SLC28A3: variants seen among roughly 807,000 people sequenced by gnomAD.
The protein encoded by SLC28A3 is concentrative Na(+)-nucleoside cotransporter 3.
A neutral mutation model predicts 84.2 loss-of-function variants in SLC28A3; 68 were observed. The ratio of observed to expected loss-of-function variants is 0.81; its 90% CI spans 0.66 to 0.99. The LOEUF is 0.99. Among genes scored for constraint, SLC28A3 ranks in the 50% least tolerant of loss-of-function variants. SLC28A3 has a pLI of 0.00. For synonymous variants in SLC28A3, 267 were observed against 303.6 expected, an observed-to-expected ratio of 0.88 and a Z score of 1.25; for missense variants, 712 against 841.5, an observed-to-expected ratio of 0.85 and a Z score of 1.90.
intron 1 of SLC28A3, among the ~76,000 whole-genome samples, chr9:84,318,875 A>G (rs1035219593): frequency 4.6e-5 from 7 of 152,140 alleles, no homozygotes; most frequent in African/African-American, 1.7e-4. Flanking sequence ...GTCTCAGAAA[A>G]AAAAAAAAGA....
chr9:84,286,384 C>T lies in SLC28A3; in HGVS notation c.1281-273G>A, dbSNP rs56725703. Among the ~76,000 whole-genome samples, 828 of 150,818 alleles carry T rather than the reference C, an allele frequency of 5.5e-3. 6 individuals carry two copies. The highest frequency in any genetic ancestry group is 0.019 in the African/African-American group (773 of 40,980). The stretch of plus-strand genomic sequence containing the variant: ...CATAGCTTATTGGAGCCTCCAACTC[C>T]TGGGCCCAAGTGATCCTCCTTCCTC... On this transcript the variant is annotated intron_variant, in intron 12 of 17. Coordinates refer to ENST00000376238, the MANE Select transcript of SLC28A3 (RefSeq NM_001199633.2).
chr9:84,366,730 CCAAA>C, the SLC28A3 span, among the ~76,000 whole-genome samples: 1 of 152,158 alleles, frequency 6.6e-6, no homozygotes, highest in Non-Finnish European at 1.5e-5. Context: ...TTACTTTCTC[CCAAA>C]CAAACAGAAT....
chr9:84,327,181 A>AT lies in SLC28A3; in HGVS notation c.60+13392dup, dbSNP rs141589006. 9.4e-3 allele frequency among the ~76,000 whole-genome samples: 1,427 copies of AT among 152,214 alleles called. 9 individuals carry two copies. Among genetic ancestry groups the AT allele is most frequent in the Middle Eastern group, 0.017 (5 of 294 alleles). ...TTTCTCCTTTCCTTTTTCTGTGACC[A>AT]TTAGGGGCCTCAATTATTTTCCCCA... On this transcript the variant is annotated intron_variant, in intron 1 of 17. Coordinates refer to ENST00000376238, the MANE Select transcript of SLC28A3 (RefSeq NM_001199633.2).
chr9:84,319,129 GGTAGGATAA>G (rs1225940224), intron 1 of SLC28A3, among the ~76,000 whole-genome samples: 1 of 152,162 alleles, frequency 6.6e-6, no homozygotes, highest in Non-Finnish European at 1.5e-5. Context: ...AAACGTAGGA[GGTAGGATAA>G]GTAGGCCAAT....
chr9:84,337,456 G>A (rs1022755775), intron 1 of SLC28A3, among the ~76,000 whole-genome samples: 1 of 152,070 alleles, frequency 6.6e-6, no homozygotes, highest in East Asian at 1.9e-4. Flanking sequence ...GCGCGTGTGT[G>A]TATGCGTATG....
At chr9:84,307,076 C>G (rs1375008749) in intron 3 of SLC28A3, among the ~76,000 whole-genome samples, 2 of 146,420 alleles carry the variant, frequency 1.4e-5, no homozygotes, top group African/African-American at 5.1e-5. Flanking sequence ...ATCACTTGAG[C>G]CCGAGCGGTC....
chr9:84,341,050 T>C (rs1367581785), upstream of SLC28A3, among the ~76,000 whole-genome samples: 1 of 151,216 alleles, frequency 6.6e-6, no homozygotes, highest in African/African-American at 2.4e-5. Context: ...CTCGGTTCAC[T>C]GCAACCTCTG....
chr9:84,365,043 G>A, the SLC28A3 span, among the ~76,000 whole-genome samples: 1 of 152,198 alleles, frequency 6.6e-6, no homozygotes, highest in Non-Finnish European at 1.5e-5. Context: ...ACCCAGCAGT[G>A]GGATTGCTGG....
the SLC28A3 span, among the ~76,000 whole-genome samples, chr9:84,353,115 A>G: frequency 2.0e-5 from 3 of 152,258 alleles, no homozygotes; most frequent in Non-Finnish European, 2.9e-5. Flanking sequence ...AGTGACATTA[A>G]ATTTAAAGAT....
Position 84,275,698 on chromosome 9 carries a change from G to A in SLC28A3, c.*2520C>T, listed in dbSNP as rs1336453499. ...CCACTTACGACGTTCACAGGGTATT[G>A]GTGAGGTTTCTGGGGGTAACAAGCT... is the stretch of plus-strand genomic sequence containing the variant. On this transcript the variant is annotated 3_prime_UTR_variant, in exon 18 of 18. Coordinates refer to ENST00000376238, the MANE Select transcript of SLC28A3 (RefSeq NM_001199633.2). The A allele has an allele frequency of 3.3e-5, 5 of 152,162 alleles. No individual in the cohort carries two copies. Among genetic ancestry groups the A allele is most frequent in the African/African-American group, 9.7e-5 (4 of 41,426 alleles). The allele number at this position is 152,162 out of a possible 1,614,324, so 9.4% of individuals were successfully genotyped here. A position where few individuals can be genotyped will look rare whatever the true frequency, so the allele number is the denominator to read the frequency against.
intron 1 of SLC28A3, among the ~76,000 whole-genome samples, chr9:84,323,144 C>G (rs12004882): frequency 0.16 from 24,216 of 152,170 alleles, 2,502 homozygotes; most frequent in East Asian, 0.32. Context: ...GATTTTACAT[C>G]TAGGTTTCAA....
intron 1 of SLC28A3, among the ~76,000 whole-genome samples, chr9:84,339,742 G>C (rs1827095258): frequency 6.6e-6 from 1 of 152,150 alleles, no homozygotes; most frequent in African/African-American, 2.4e-5. Flanking sequence ...TGTGACCATG[G>C]GACAGATGAT....
At chr9:84,344,686 A>G (rs1827222450), upstream of SLC28A3, among the ~76,000 whole-genome samples, 1 of 150,884 alleles carries the variant, frequency 6.6e-6, no homozygotes, top group African/African-American at 2.5e-5. Context: ...GGTTTCCACA[A>G]TCTTTATCTT....
chr9:84,294,496 T>G (rs1825345980), intron 8 of SLC28A3, among the ~76,000 whole-genome samples: 1 of 152,244 alleles, frequency 6.6e-6, no homozygotes, highest in Non-Finnish European at 1.5e-5. Context: ...GGTGAGCTTT[T>G]TTTGCTCAAA....
Position 84,276,250 on chromosome 9 carries a change from A to G in SLC28A3, c.*1968T>C, listed in dbSNP as rs1179340450. 1.3e-5 allele frequency: 2 copies of G among 152,150 alleles called. No homozygotes were observed. Among genetic ancestry groups the G allele is most frequent in the Non-Finnish European group, 2.9e-5 (2 of 68,044 alleles). 9.4% of individuals were successfully genotyped at this position (152,150 alleles called of 1,614,324 possible). ...CAACTGAGATATGCAAACCAGACAG[A>G]CTTAGTTTCATAAGAATGAAAAATA... On this transcript the variant is annotated 3_prime_UTR_variant, in exon 18 of 18. Transcript: ENST00000376238.
chr9:84,334,225 G>A (rs1214865088), intron 1 of SLC28A3, among the ~76,000 whole-genome samples: 4 of 152,174 alleles, frequency 2.6e-5, no homozygotes, highest in Non-Finnish European at 5.9e-5. Flanking sequence ...CTTGAACTGG[G>A]GAGGCAGAGG....
Position 84,280,733 on chromosome 9 carries a change from G to C in SLC28A3, c.1729+68C>G, listed in dbSNP as rs1296770455. The C allele has an allele frequency of 5.3e-5, 80 of 1,519,732 alleles. 1 individual carries two copies. Among genetic ancestry groups the C allele is most frequent in the Non-Finnish European group, 1.9e-5 (21 of 1,097,396 alleles). 94.1% of individuals were successfully genotyped at this position (1,519,732 alleles called of 1,614,324 possible). A position where few individuals can be genotyped will look rare whatever the true frequency, so the allele number is the denominator to read the frequency against. On this transcript the variant is annotated intron_variant, in intron 15 of 17. Coordinates refer to ENST00000376238, the MANE Select transcript of SLC28A3 (RefSeq NM_001199633.2). ...TTGTTTTTTCTGACATAACAGTACA[G>C]AGCAAAATGGGGATCCAAGTATGTC...
chr9:84,299,430 G>A, intron 6 of SLC28A3, 151 bp downstream of exon 6: 2 of 964,962 alleles, frequency 2.1e-6, no homozygotes, highest in South Asian at 1.8e-5. Context: ...GAAAGTTCAG[G>A]AAGATAGGGC....
Position 84,275,875 on chromosome 9 carries a change from A to G in SLC28A3, c.*2343T>C, listed in dbSNP as rs1824511979. 6.6e-6 allele frequency: 1 copy of G among 152,224 alleles called. No individual in the cohort carries two copies. The highest frequency in any genetic ancestry group is 1.5e-5 in the Non-Finnish European group (1 of 68,052). The allele number at this position is 152,224 out of a possible 1,614,324, so 9.4% of individuals were successfully genotyped here. ...CCTATGTGAACATGTTGCATTTATA[A>G]AGAAATGTCACACGTACACACAGAA... On this transcript the variant is annotated 3_prime_UTR_variant, in exon 18 of 18. Transcript: ENST00000376238.
Sources: allele counts gnomAD v4.1 joint callset (sites outside exome capture counted in the v4.1 genomes callset), GRCh38; gene constraint gnomAD v4.1.1; transcripts MANE v1.5; gene names NCBI Gene and HGNC (gene_info 2026-07-23, HGNC 2026-07-21).